Variants in PDGFRL observed in about 807,000 individuals in gnomAD.
The protein encoded by PDGFRL is platelet-derived growth factor receptor-like protein.
PDGFRL carries 46 observed loss-of-function variants against 37.2 expected under a neutral mutation model. That is an observed-to-expected ratio of 1.24 (90% CI 0.98 to 1.58). The LOEUF (loss-of-function observed/expected upper bound fraction) is 1.58. Ranked by LOEUF, PDGFRL falls within the 40% of genes most tolerant of loss-of-function variation. The pLI, the probability that PDGFRL is intolerant of heterozygous loss-of-function variation, is 0.00. For missense variants in PDGFRL, 692 were observed against 467.6 expected (o/e 1.48, Z -4.43); for synonymous variants, 251 against 184.3 (o/e 1.36, Z -2.93).
At chr8:17,580,326 A>G (rs1293368476) in intron 1 of PDGFRL, among the ~76,000 whole-genome samples, 1 of 149,524 alleles carries the variant, frequency 6.7e-6, no homozygotes. Context: ...TATTTTTGAG[A>G]AAAAAAAAGA....
chr8:17,583,306 C>T (rs1184381253), intron 1 of PDGFRL, among the ~76,000 whole-genome samples: 1 of 152,104 alleles, frequency 6.6e-6, no homozygotes, highest in African/African-American at 2.4e-5. Flanking sequence ...CAGTATGCAC[C>T]CTCACCTTGG....
chr8:17,609,711 A>C (rs930066160), intron 2 of PDGFRL, among the ~76,000 whole-genome samples: 1 of 148,948 alleles, frequency 6.7e-6, no homozygotes, highest in Non-Finnish European at 1.5e-5. Flanking sequence ...AAAGATTGTG[A>C]TATGCAGCCA....
At chr8:17,589,287 C>A (rs1310110645) in intron 1 of PDGFRL, among the ~76,000 whole-genome samples, 181 bp from the exon 2 acceptor site, 1 of 151,698 alleles carries the variant, frequency 6.6e-6, no homozygotes, top group Non-Finnish European at 1.5e-5. Context: ...TCAGGGTGCT[C>A]AGGCAAGAGA....
At chr8:17,585,048 A>G (rs1304273124) in intron 1 of PDGFRL, among the ~76,000 whole-genome samples, 2 of 152,118 alleles carry the variant, frequency 1.3e-5, no homozygotes, top group Admixed American at 1.3e-4. Context: ...TTTAGACCAT[A>G]TAGGATGACT....
intron 2 of PDGFRL, among the ~76,000 whole-genome samples, chr8:17,617,018 C>G (rs1366902178): frequency 6.6e-6 from 1 of 152,192 alleles, no homozygotes; most frequent in African/African-American, 2.4e-5. Flanking sequence ...TAGGCCACCC[C>G]CAGGAGAGAG....
intron 2 of PDGFRL, among the ~76,000 whole-genome samples, chr8:17,609,704 G>C (rs1804366695): frequency 1.5e-5 from 2 of 130,866 alleles, no homozygotes; most frequent in Non-Finnish European, 3.3e-5. Context: ...TCCCCCAAAA[G>C]ATTGTGATAT....
chr8:17,629,198 G>A (rs1410857400), intron 4 of PDGFRL, among the ~76,000 whole-genome samples: 4 of 151,138 alleles, frequency 2.6e-5, no homozygotes, highest in African/African-American at 7.3e-5. Context: ...CCAGAGTGCC[G>A]AGATTACAAG....
At chr8:17,615,838 G>A (rs1312002176) in intron 2 of PDGFRL, among the ~76,000 whole-genome samples, 1 of 152,250 alleles carries the variant, frequency 6.6e-6, no homozygotes, top group Non-Finnish European at 1.5e-5. Flanking sequence ...AAGCCTAGGA[G>A]TTTGAGGCTG....
At chr8:17,602,171 G>C (rs910205172) in intron 2 of PDGFRL, among the ~76,000 whole-genome samples, 1 of 152,178 alleles carries the variant, frequency 6.6e-6, no homozygotes, top group Non-Finnish European at 1.5e-5. Context: ...GTGTGAGAGG[G>C]TATCTCATTG....
chr8:17,630,048 C>G (rs950431234), intron 4 of PDGFRL, among the ~76,000 whole-genome samples: 3 of 152,144 alleles, frequency 2.0e-5, no homozygotes, highest in African/African-American at 7.2e-5. Flanking sequence ...TCTCCCCATG[C>G]CTGTACTCAG....
intron 4 of PDGFRL, 47 bp from the exon 5 acceptor site, chr8:17,634,027 A>T: frequency 6.2e-7 from 1 of 1,600,210 alleles, no homozygotes; most frequent in Non-Finnish European, 8.6e-7. Context: ...TTTGTTTTCA[A>T]GGTTACACTC....
rs558957209 is a variant in PDGFRL, at chr8:17,581,426, C to T, written c.55+4119C>T. Among the ~76,000 whole-genome samples, 6 of 152,150 alleles carry T rather than the reference C, an allele frequency of 3.9e-5. No homozygotes were observed. In the East Asian group the frequency reaches 7.7e-4, roughly 20 times the overall value. On this transcript the variant is annotated intron_variant, in intron 1 of 5. Transcript: ENST00000251630. ...ATGAAAGTCACTGGAGGCTTCTGAA[C>T]GAAGAAGTACCCATAATTTGATTTA...
intron 4 of PDGFRL, among the ~76,000 whole-genome samples, chr8:17,629,052 G>A (rs1033233588): frequency 6.6e-6 from 1 of 151,060 alleles, no homozygotes; most frequent in Non-Finnish European, 1.5e-5. Flanking sequence ...TGAGTAGCTG[G>A]AACCACAGGT....
intron 5 of PDGFRL, among the ~76,000 whole-genome samples, chr8:17,634,427 T>G (rs927764919): frequency 3.3e-5 from 5 of 152,026 alleles, no homozygotes; most frequent in African/African-American, 1.2e-4. Context: ...GGACAGGAAA[T>G]AAGAGATTGA....
At chr8:17,623,707 T>C (rs1804678408) in intron 3 of PDGFRL, among the ~76,000 whole-genome samples, 1 of 152,086 alleles carries the variant, frequency 6.6e-6, no homozygotes, top group Non-Finnish European at 1.5e-5. Flanking sequence ...AAATCCCATC[T>C]CTACAAAAAT....
At chr8:17,599,374 A>G (rs572673285) in intron 2 of PDGFRL, among the ~76,000 whole-genome samples, 1 of 152,288 alleles carries the variant, frequency 6.6e-6, no homozygotes, top group Admixed American at 6.5e-5. Context: ...TAGCTCCCAC[A>G]TATCGGTGAG....
At chr8:17,607,921 G>A (rs992516647) in intron 2 of PDGFRL, among the ~76,000 whole-genome samples, 11 of 152,254 alleles carry the variant, frequency 7.2e-5, no homozygotes, top group Non-Finnish European at 1.3e-4. Flanking sequence ...AAACGAAGAT[G>A]TCAGAGGTTT....
At position 17,632,383 on chromosome 8, in the gene PDGFRL, C is replaced by CA. The variant is rs566627019; in HGVS notation, c.800-1690dup. Among the ~76,000 whole-genome samples the CA allele has an allele frequency of 4.6e-5, 7 of 151,954 alleles. No individual in the cohort carries two copies. In the East Asian group the frequency reaches 1.4e-3, roughly 29 times the overall value. ...AATACAGAGTCTTGGCTCTGTTGCC[C>CA]AGGCTGGAGTGCAGTGGTGTGATCT... On this transcript the variant is annotated intron_variant, in intron 4 of 5. Coordinates refer to ENST00000251630, the MANE Select transcript of PDGFRL (RefSeq NM_001372073.1).
chr8:17,579,031 C>G (rs950755336), intron 1 of PDGFRL, among the ~76,000 whole-genome samples: 2 of 152,162 alleles, frequency 1.3e-5, no homozygotes, highest in East Asian at 3.9e-4. Context: ...AACCCCGTCT[C>G]TACTAAAAAT....
Sources: allele counts gnomAD v4.1 joint callset (sites outside exome capture counted in the v4.1 genomes callset), GRCh38; gene constraint gnomAD v4.1.1; transcripts MANE v1.5; gene names NCBI Gene and HGNC (gene_info 2026-07-23, HGNC 2026-07-21).